CFAP251: variants seen among roughly 807,000 people sequenced by gnomAD.
The protein encoded by CFAP251 is cilia- and flagella-associated protein 251.
Under a neutral mutation model 126.7 loss-of-function variants are expected in CFAP251, and 93 were observed. That is an observed-to-expected ratio of 0.73 (90% CI 0.62 to 0.87). The LOEUF (loss-of-function observed/expected upper bound fraction) is 0.87, where lower values mean the gene tolerates loss of function less well. Ranked by LOEUF, CFAP251 falls within the 40% of genes least tolerant of loss-of-function variation. The probability of loss-of-function intolerance (pLI) is 0.00; values close to 1 mark genes in which losing one functional copy is unlikely to be tolerated. For missense variants in CFAP251, 1,287 were observed against 1,389.2 expected (o/e 0.93, Z 1.17); for synonymous variants, 503 against 506.9 (o/e 0.99, Z 0.10).
At chr12:121,969,552 C>A in intron 17 of CFAP251, 1 of 927,898 alleles carries the variant, frequency 1.1e-6, no homozygotes, top group Non-Finnish European at 1.3e-6. Context: ...GAGGTGTGAT[C>A]ATGGCTCACT....
intron 19 of CFAP251, among the ~76,000 whole-genome samples, chr12:121,980,000 G>C (rs1319348052): frequency 2.0e-5 from 3 of 152,206 alleles, no homozygotes; most frequent in Non-Finnish European, 2.9e-5. Flanking sequence ...CGCTGGGAAG[G>C]GTCTCTCTCT....
At chr12:121,924,596 C>A (rs1480565214) in intron 3 of CFAP251, among the ~76,000 whole-genome samples, 1 of 151,732 alleles carries the variant, frequency 6.6e-6, no homozygotes, top group African/African-American at 2.4e-5. Flanking sequence ...CCATGCCTGG[C>A]TTTTTTTGTA....
At chr12:121,967,147 A>G (rs1882171136) in intron 16 of CFAP251, 78 bp downstream of exon 16, 1 of 1,363,722 alleles carries the variant, frequency 7.3e-7, no homozygotes, top group South Asian at 1.2e-5. Context: ...AGATCACGAG[A>G]CTCAGAGAGT....
intron 17 of CFAP251, among the ~76,000 whole-genome samples, chr12:121,970,470 G>A (rs1324266495): frequency 2.0e-5 from 3 of 152,058 alleles, no homozygotes; most frequent in Non-Finnish European, 4.4e-5. Flanking sequence ...TCTTAAATGG[G>A]ACTGCTACCA....
chr12:121,958,757 T>C (rs1462922126), intron 12 of CFAP251, among the ~76,000 whole-genome samples, 186 bp from the exon 13 acceptor site: 3 of 152,278 alleles, frequency 2.0e-5, no homozygotes, highest in Non-Finnish European at 4.4e-5. Flanking sequence ...CGCGGTGTCC[T>C]GGGCCTATCT....
intron 5 of CFAP251, among the ~76,000 whole-genome samples, chr12:121,935,501 T>C (rs943228288): frequency 1.3e-5 from 2 of 152,272 alleles, no homozygotes; most frequent in African/African-American, 4.8e-5. Context: ...TGATGGCTCC[T>C]TAGGCTCTGC....
chr12:121,965,061 G>A (rs1293602158), intron 15 of CFAP251, among the ~76,000 whole-genome samples: 1 of 152,154 alleles, frequency 6.6e-6, no homozygotes, highest in African/African-American at 2.4e-5. Flanking sequence ...GAATAAGAAA[G>A]CCTCATAACC....
chr12:121,991,880 C>T (rs1882882971), intron 19 of CFAP251, among the ~76,000 whole-genome samples: 1 of 152,074 alleles, frequency 6.6e-6, no homozygotes, highest in African/African-American at 2.4e-5. Flanking sequence ...GTAGTCCCAG[C>T]TACTTGGGAG....
chr12:121,945,767 G>A (rs969359897), intron 7 of CFAP251, among the ~76,000 whole-genome samples: 3 of 151,936 alleles, frequency 2.0e-5, no homozygotes, highest in Admixed American at 1.3e-4. Flanking sequence ...CTGGGTTCAC[G>A]CCATTCTCCT....
intron 19 of CFAP251, among the ~76,000 whole-genome samples, chr12:121,979,409 C>A (rs1466454600): frequency 6.6e-6 from 1 of 152,108 alleles, no homozygotes; most frequent in Non-Finnish European, 1.5e-5. Flanking sequence ...CTATTCAGCT[C>A]CTGGGCCCTG....
At chr12:121,960,459 C>T in intron 13 of CFAP251, 126 bp from the exon 14 acceptor site, 1 of 963,340 alleles carries the variant, frequency 1.0e-6, no homozygotes, top group Non-Finnish European at 1.6e-6. Flanking sequence ...CTCAGGTGAT[C>T]CACCCGCCTC....
intron 17 of CFAP251, among the ~76,000 whole-genome samples, chr12:121,970,685 G>A (rs1882301299): frequency 6.6e-6 from 1 of 152,202 alleles, no homozygotes; most frequent in Non-Finnish European, 1.5e-5. Flanking sequence ...ACACAATTTA[G>A]GCAAAAGGGA....
At chr12:121,952,961 T>A (rs1050908189) in intron 9 of CFAP251, 1 of 152,192 alleles carries the variant, frequency 6.6e-6, no homozygotes, top group Non-Finnish European at 1.5e-5. Flanking sequence ...TAGGGGTAGG[T>A]TTCTGTGAGC....
intron 19 of CFAP251, among the ~76,000 whole-genome samples, chr12:121,982,351 C>T (rs1366562697): frequency 1.3e-5 from 2 of 151,314 alleles, no homozygotes; most frequent in African/African-American, 4.9e-5. Flanking sequence ...ATATTATAGG[C>T]GCACATCACC....
At position 121,971,801 on chromosome 12, in the gene CFAP251, G is replaced by T. The variant is rs1882336461; in HGVS notation, c.2772-3443G>T. On this transcript the variant is annotated intron_variant, in intron 17 of 21. Coordinates refer to ENST00000288912, the MANE Select transcript of CFAP251 (RefSeq NM_144668.6). ...TCCTACCCAAATCTCATCTTGAATT[G>T]TACTCCGATAATTCCCGTGTATGGT... The T allele has an allele frequency of 7.2e-6, 4 of 556,606 alleles. No homozygotes were observed. The Admixed American group carries it at 8.8e-5, about 12-fold the overall frequency. 34.5% of individuals were successfully genotyped at this position (556,606 alleles called of 1,614,324 possible).
intron 19 of CFAP251, chr12:121,992,310 G>A: frequency 1.0e-6 from 1 of 985,440 alleles, no homozygotes; most frequent in Non-Finnish European, 1.2e-6. Context: ...GGCTCAGGAA[G>A]GAAATGTCAG....
At chr12:121,920,647 C>T (rs1294635239) in intron 1 of CFAP251, among the ~76,000 whole-genome samples, 2 of 152,160 alleles carry the variant, frequency 1.3e-5, no homozygotes, top group Non-Finnish European at 2.9e-5. Context: ...CCACCCGCGT[C>T]AGCCTCCCAA....
intron 12 of CFAP251, among the ~76,000 whole-genome samples, 165 bp from the exon 13 acceptor site, chr12:121,958,777 TG>T (rs1249353633): frequency 2.0e-5 from 3 of 152,282 alleles, no homozygotes; most frequent in African/African-American, 7.2e-5. Context: ...TGTGCGTCTC[TG>T]CGCGCTCACC....
At position 121,928,674 on chromosome 12, in the gene CFAP251, A is replaced by ATATATACGTG. The variant is rs1565902711; in HGVS notation, c.748-3066_748-3065insCGTGTATATA. 3.9e-4 allele frequency among the ~76,000 whole-genome samples: 7 copies of ATATATACGTG among 17,794 alleles called. No individual in the cohort carries two copies. In the African/African-American group the frequency reaches 4.5e-3, roughly 12 times the overall value. 11.7% of individuals were successfully genotyped at this position (17,794 alleles called of 152,430 possible). A position where few individuals can be genotyped will look rare whatever the true frequency, so the allele number is the denominator to read the frequency against. ...TATATATACGTATATATATACGTAT[A>ATATATACGTG]TATATATATATATACGTATATATAT... is the stretch of plus-strand genomic sequence containing the variant. On this transcript the variant is annotated intron_variant, in intron 3 of 21. Coordinates refer to ENST00000288912, the MANE Select transcript of CFAP251 (RefSeq NM_144668.6).
Sources: gnomAD v4.1 joint callset for allele counts (sites outside exome capture counted in the v4.1 genomes callset) on GRCh38, gnomAD v4.1.1 for gene constraint, MANE v1.5 for transcripts, NCBI Gene and HGNC (gene_info 2026-07-23, HGNC 2026-07-21) for gene names.